The following AHNAK variants were observed in gnomAD, a reference collection of about 807,000 sequenced individuals.
AHNAK encodes the protein AHNAK nucleoprotein.
AHNAK carries 23 observed loss-of-function variants against 37.8 expected under a neutral mutation model. That is an observed-to-expected ratio of 0.61 (90% confidence interval 0.44 to 0.86). The LOEUF is 0.86. AHNAK is among the 40% of genes least tolerant of loss of function. The pLI is 0.00. For synonymous variants in AHNAK, 2,481 were observed against 2,636.3 expected (o/e 0.94, Z 1.80); for missense variants, 7,411 against 7,319.4 (o/e 1.01, Z -0.46).
At chr11:62,436,008 A>C (rs961451880) in intron 5 of AHNAK, among the ~76,000 whole-genome samples, 1 of 152,228 alleles carries the variant, frequency 6.6e-6, no homozygotes. Flanking sequence ...GAGAAGTTAA[A>C]TAACTACCCA....
Position 62,529,644 on chromosome 11 carries a change from A to C in AHNAK, c.4773T>G (p.Pro1591=). 5 of 1,614,162 alleles carry C rather than the reference A, an allele frequency of 3.1e-6. No homozygotes were observed. The highest frequency in any genetic ancestry group is 4.2e-6 in the Non-Finnish European group (5 of 1,180,024). The change falls in exon 5 of 5, where the codon CCT becomes CCG. Residue 1591 remains proline, a synonymous_variant. Coordinates refer to ENST00000378024, the MANE Select transcript of AHNAK (RefSeq NM_001620.3). ...MPDVGLNLKA[P]KLKTDVDVSL... ...AAACATCTACATCAGTTTTCAGTTTAGGGGCTTTCAAATTAAGTCCAACAT... is the reference window on the plus strand; with the variant it reads ...AAACATCTACATCAGTTTTCAGTTTCGGGGCTTTCAAATTAAGTCCAACAT...
intron 5 of AHNAK, among the ~76,000 whole-genome samples, chr11:62,488,076 A>G (rs1178054061): frequency 6.6e-6 from 1 of 152,168 alleles, no homozygotes; most frequent in Non-Finnish European, 1.5e-5. Flanking sequence ...AGCTCCACAG[A>G]CTTTCTCTGA....
intron 4 of AHNAK, among the ~76,000 whole-genome samples, chr11:62,534,440 G>A (rs1393338635): frequency 2.6e-5 from 4 of 152,204 alleles, no homozygotes; most frequent in Non-Finnish European, 5.9e-5. Context: ...CCACTGGCTT[G>A]TTTGTTTAAT....
In AHNAK at chr11:62,518,802, T is replaced by C. The variant is rs1051542032; in HGVS notation, c.15615A>G (p.Gly5205=). 6.2e-7 allele frequency: 1 copy of C among 1,614,234 alleles called. No homozygotes were observed. Among genetic ancestry groups the C allele is most frequent in the Non-Finnish European group, 8.5e-7 (1 of 1,180,044 alleles). The part of the protein sequence containing the change: ...SIPDVNVNLK[G]PKIKGDVPSV... ...TGGGGACATCACCCTTTATCTTTGG[T>C]CCTTTCAAGTTTACATTCACATCAG... Residue 5205 remains glycine, a synonymous_variant, in exon 5 of 5, where the codon GGA becomes GGG. Transcript: ENST00000378024.
chr11:62,467,616 C>T (rs187987091), intron 5 of AHNAK, among the ~76,000 whole-genome samples: 1 of 152,282 alleles, frequency 6.6e-6, no homozygotes, highest in East Asian at 1.9e-4. Flanking sequence ...ACCCGGGAGG[C>T]GGAGGTTGCA....
chr11:62,523,473 T>C lies in AHNAK; in HGVS notation c.10944A>G (p.Glu3648=). 1.2e-6 allele frequency: 2 copies of C among 1,613,594 alleles called. No homozygotes were observed. Among genetic ancestry groups the C allele is most frequent in the South Asian group, 1.1e-5 (1 of 91,048 alleles). Residue 3648 remains glutamate (E), a synonymous_variant, in exon 5 of 5, where the codon GAA becomes GAG. Transcript: ENST00000378024. ...VDVDVPDVNI[E]GPDAKLKGPK... ...GGCCCTTCAGCTTTGCATCTGGACC[T>C]TCAATATTCACGTCTGGAACATCAA... is the stretch of plus-strand genomic sequence containing the variant.
At chr11:62,485,015 C>CTGA (rs1445693327) in intron 5 of AHNAK, among the ~76,000 whole-genome samples, 2 of 152,156 alleles carry the variant, frequency 1.3e-5, no homozygotes, top group Non-Finnish European at 2.9e-5. Context: ...TCTCGAACTC[C>CTGA]TGACCTCAGG....
chr11:62,493,662 G>A (rs1396357083), intron 4 of AHNAK, among the ~76,000 whole-genome samples: 1 of 151,472 alleles, frequency 6.6e-6, no homozygotes, highest in Non-Finnish European at 1.5e-5. Context: ...AGATGGGGGG[G>A]GTCCCACTAT....
chr11:62,480,399 C>G (rs111917042), intron 5 of AHNAK, among the ~76,000 whole-genome samples: 6 of 152,046 alleles, frequency 3.9e-5, no homozygotes, highest in African/African-American at 9.7e-5. Flanking sequence ...CAGTGACTCA[C>G]GCCTGTAATC....
chr11:62,433,880 G>T (rs749434396), exon 6 of AHNAK: 12 of 1,613,542 alleles, frequency 7.4e-6, no homozygotes, highest in Admixed American at 3.3e-5. Flanking sequence ...CTTCCTGGCC[G>T]CTTCTACAGT....
At chr11:62,546,624 AC>A (rs1941320114) in intron 1 of AHNAK, 35 bp downstream of exon 1, 1 of 152,118 alleles carries the variant, frequency 6.6e-6, no homozygotes, top group African/African-American at 2.4e-5. Context: ...GGTGCCCCGG[AC>A]CCCGATGGCG....
chr11:62,473,661 G>C (rs566399575), intron 5 of AHNAK, among the ~76,000 whole-genome samples: 1 of 147,168 alleles, frequency 6.8e-6, no homozygotes, highest in Non-Finnish European at 1.5e-5. Context: ...CTCCAGCCTG[G>C]GCGACAGAGC....
chr11:62,516,436 C>T lies in AHNAK; in HGVS notation c.*308G>A, dbSNP rs574054591. The T allele has an allele frequency of 8.4e-5, 105 of 1,255,834 alleles. No individual in the cohort carries two copies. The highest frequency in any genetic ancestry group is 1.1e-4 in the Non-Finnish European group (104 of 986,064). The allele number at this position is 1,255,834 out of a possible 1,614,324, so 77.8% of individuals were successfully genotyped here. On this transcript the variant is annotated 3_prime_UTR_variant, in exon 5 of 5. Transcript: ENST00000378024. The stretch of plus-strand genomic sequence containing the variant: ...TCAGTAAAAATGAGGATAATAAACA[C>T]AAAAGCTTGCTTAGTAAACAGGAGC...
rs777466640 is a variant in AHNAK at position 62,524,639 on chromosome 11, T to A, written c.9778A>T (p.Ile3260Leu). ...GPALDIKGPK[I>L]DVDAPDIDIH... is the part of the protein sequence containing the mutation. The stretch of plus-strand genomic sequence containing the variant: ...TCAATATCTGGAGCATCTACATCTA[T>A]CTTTGGGCCTTTTATGTCAAGAGCA... Residue 3260 changes from isoleucine (I) to leucine (L), a missense_variant, in exon 5 of 5, where the codon ATA becomes TTA. Transcript: ENST00000378024. 1 of 1,614,258 alleles carries A rather than the reference T, an allele frequency of 6.2e-7. No homozygotes were observed. Among genetic ancestry groups the A allele is most frequent in the Admixed American group, 1.7e-5 (1 of 60,032 alleles).
At chr11:62,487,264 A>AG (rs1392612857) in intron 5 of AHNAK, among the ~76,000 whole-genome samples, 1 of 152,194 alleles carries the variant, frequency 6.6e-6, no homozygotes, top group African/African-American at 2.4e-5. Flanking sequence ...CCACCATCTA[A>AG]GGGATGTTAT....
At chr11:62,472,899 C>T (rs755568715) in intron 5 of AHNAK, among the ~76,000 whole-genome samples, 1 of 151,186 alleles carries the variant, frequency 6.6e-6, no homozygotes, top group Non-Finnish European at 1.5e-5. Context: ...CCAGCCTGGC[C>T]AACATAGTGA....
At chr11:62,456,445 C>T (rs1422404661) in intron 5 of AHNAK, among the ~76,000 whole-genome samples, 1 of 152,186 alleles carries the variant, frequency 6.6e-6, no homozygotes, top group Non-Finnish European at 1.5e-5. Context: ...AACATTATTA[C>T]CCCATTTTAC....
chr11:62,466,165 C>CA (rs1430250670), intron 5 of AHNAK, among the ~76,000 whole-genome samples: 1 of 151,984 alleles, frequency 6.6e-6, no homozygotes, highest in Non-Finnish European at 1.5e-5. Context: ...ACTAAAAATA[C>CA]AAAAATTAGC....
chr11:62,526,313 T>A lies in AHNAK; in HGVS notation c.8104A>T (p.Ile2702Phe). 1 of 1,613,448 alleles carries A rather than the reference T, an allele frequency of 6.2e-7. No homozygotes were observed. Among genetic ancestry groups the A allele is most frequent in the Non-Finnish European group, 8.5e-7 (1 of 1,179,826 alleles). Residue 2702 changes from isoleucine (I) to phenylalanine (F), a missense_variant, in exon 5 of 5, where the codon ATC becomes TTC. Coordinates refer to ENST00000378024, the MANE Select transcript of AHNAK (RefSeq NM_001620.3). ...GPKFKMPEMN[I>F]KAPKISMPDI... ...GGCATGGAGATCTTGGGGGCTTTGA[T>A]ATTCATCTCTGGCATCTTGAACTTA... is the stretch of plus-strand genomic sequence containing the variant.
Sources: allele counts gnomAD v4.1 joint callset (sites outside exome capture counted in the v4.1 genomes callset), GRCh38; gene constraint gnomAD v4.1.1; transcripts MANE v1.5; gene names NCBI Gene and HGNC (gene_info 2026-07-23, HGNC 2026-07-21).